Variants in LARS2 observed in about 807,000 individuals in gnomAD.
LARS2 encodes the protein leucyl-tRNA synthetase 2, mitochondrial.
A neutral mutation model predicts 116.6 loss-of-function variants in LARS2; 81 were observed. That is an observed-to-expected ratio of 0.69 (90% CI 0.58 to 0.84). The LOEUF (loss-of-function observed/expected upper bound fraction) is 0.84. Ranked by LOEUF, LARS2 falls within the 40% of genes least tolerant of loss-of-function variation. LARS2 has a pLI of 0.00. For missense variants in LARS2, 968 were observed against 1,114.5 expected, an observed-to-expected ratio of 0.87 and a Z score of 1.87; for synonymous variants, 396 against 407.2, an observed-to-expected ratio of 0.97 and a Z score of 0.33.
chr3:45,494,207 C>T (rs546981117), intron 13 of LARS2, among the ~76,000 whole-genome samples: 3 of 152,228 alleles, frequency 2.0e-5, no homozygotes, highest in South Asian at 2.1e-4. Flanking sequence ...AGATCTAGGG[C>T]GCCCATGCTC....
intron 10 of LARS2, among the ~76,000 whole-genome samples, chr3:45,479,756 G>A (rs1317304598): frequency 6.6e-6 from 1 of 152,166 alleles, no homozygotes; most frequent in Admixed American, 6.5e-5. Flanking sequence ...GCATCAATGG[G>A]GAAATATGAT....
chr3:45,515,987 A>T, intron 16 of LARS2, 107 bp from the exon 17 acceptor site: 1 of 789,670 alleles, frequency 1.3e-6, no homozygotes, highest in Non-Finnish European at 2.0e-6. Flanking sequence ...GTGATTCTTC[A>T]AATGGACACT....
chr3:45,484,537 G>A (rs1377349959), intron 10 of LARS2, among the ~76,000 whole-genome samples: 2 of 141,036 alleles, frequency 1.4e-5, no homozygotes, highest in African/African-American at 5.3e-5. Flanking sequence ...AGTCTGAGGT[G>A]GGAGTATCAC....
intron 19 of LARS2, among the ~76,000 whole-genome samples, chr3:45,522,468 C>A (rs535931775): frequency 6.6e-6 from 1 of 152,268 alleles, no homozygotes; most frequent in South Asian, 2.1e-4. Flanking sequence ...CAGTGGCTCA[C>A]GCCTGTAATC....
intron 20 of LARS2, among the ~76,000 whole-genome samples, chr3:45,526,410 C>T (rs1476070410): frequency 6.6e-6 from 1 of 152,092 alleles, no homozygotes; most frequent in Non-Finnish European, 1.5e-5. Context: ...AAAGCCTGTG[C>T]TTGTGGTGGA....
chr3:45,402,276 G>A (rs980081410), intron 4 of LARS2, among the ~76,000 whole-genome samples: 1 of 152,208 alleles, frequency 6.6e-6, no homozygotes, highest in Admixed American at 6.5e-5. Flanking sequence ...GCAATTGCCA[G>A]CAGTGGACAG....
chr3:45,490,150 T>C (rs923040426), intron 12 of LARS2, among the ~76,000 whole-genome samples: 1 of 152,254 alleles, frequency 6.6e-6, no homozygotes, highest in South Asian at 2.1e-4. Flanking sequence ...CTCTAAGATA[T>C]GGACCCTTAG....
intron 4 of LARS2, among the ~76,000 whole-genome samples, chr3:45,409,592 C>G (rs1468221534): frequency 6.6e-6 from 1 of 152,150 alleles, no homozygotes; most frequent in South Asian, 2.1e-4. Flanking sequence ...TGTTGTAGGT[C>G]TTCACTTTGT....
intron 6 of LARS2, among the ~76,000 whole-genome samples, chr3:45,426,456 C>T (rs975764834): frequency 1.3e-5 from 2 of 152,190 alleles, no homozygotes; most frequent in African/African-American, 4.8e-5. Flanking sequence ...CTTGTTCTCC[C>T]TCAGAGTCAG....
chr3:45,393,890 C>T (rs1290619476), intron 2 of LARS2, among the ~76,000 whole-genome samples: 1 of 152,206 alleles, frequency 6.6e-6, no homozygotes, highest in East Asian at 1.9e-4. Context: ...AATTAACAGT[C>T]TTCTAAATAA....
chr3:45,419,506 T>G (rs956808540), intron 5 of LARS2, among the ~76,000 whole-genome samples, 163 bp from the exon 6 acceptor site: 1 of 152,254 alleles, frequency 6.6e-6, no homozygotes, highest in Non-Finnish European at 1.5e-5. Context: ...TGGTATTTTT[T>G]GCTGATTCTT....
Position 45,465,122 on chromosome 3 carries a change from G to A in LARS2, c.750+6236G>A, listed in dbSNP as rs375305366. Among the ~76,000 whole-genome samples, 15 of 152,230 alleles carry A rather than the reference G, an allele frequency of 9.9e-5. No individual in the cohort carries two copies. The East Asian group carries it at 2.1e-3, about 22-fold the overall frequency. On this transcript the variant is annotated intron_variant, in intron 8 of 21. Coordinates refer to ENST00000645846, the MANE Select transcript of LARS2 (RefSeq NM_015340.4). Reference sequence around the variant, plus strand: ...CCCTGCCAGGATTCTCCCTCATGCTGGGGCTGTCTCTTCTCTTGGCTACAG... The same window carrying A: ...CCCTGCCAGGATTCTCCCTCATGCTAGGGCTGTCTCTTCTCTTGGCTACAG...
At chr3:45,458,431 GC>G (rs2125710138) in intron 7 of LARS2, among the ~76,000 whole-genome samples, 2 of 152,266 alleles carry the variant, frequency 1.3e-5, no homozygotes, top group African/African-American at 4.8e-5. Context: ...AGTGGCTCAC[GC>G]CTGTAATCCC....
intron 4 of LARS2, among the ~76,000 whole-genome samples, chr3:45,406,098 T>C (rs1224492860): frequency 6.6e-6 from 1 of 152,152 alleles, no homozygotes; most frequent in African/African-American, 2.4e-5. Flanking sequence ...TTAAAAATTA[T>C]TGATGTAAAA....
At chr3:45,452,255 G>T (rs1265571435) in intron 7 of LARS2, among the ~76,000 whole-genome samples, 1 of 152,068 alleles carries the variant, frequency 6.6e-6, no homozygotes, top group Admixed American at 6.5e-5. Context: ...GGTAATCCTT[G>T]TCTTGTTCCA....
In LARS2 at chr3:45,547,993, A is replaced by G. The variant is rs75907288; in HGVS notation, c.*463A>G. Reference sequence around the variant, plus strand: ...AATGTGCCAGCCACTTGGAACTGCTAACTGAGCCTCCAGATGGTAGTGAAT... The same window carrying G: ...AATGTGCCAGCCACTTGGAACTGCTGACTGAGCCTCCAGATGGTAGTGAAT... On this transcript the variant is annotated 3_prime_UTR_variant, in exon 22 of 22. Transcript: ENST00000645846. 6.8e-3 allele frequency: 1,053 copies of G among 154,744 alleles called. 11 individuals carry two copies. Among genetic ancestry groups the G allele is most frequent in the African/African-American group, 0.016 (677 of 41,704 alleles). The allele number at this position is 154,744 out of a possible 1,614,324, so 9.6% of individuals were successfully genotyped here. A position where few individuals can be genotyped will look rare whatever the true frequency, so the allele number is the denominator to read the frequency against.
chr3:45,468,673 T>C (rs1699474404), intron 8 of LARS2, among the ~76,000 whole-genome samples: 1 of 152,234 alleles, frequency 6.6e-6, no homozygotes, highest in African/African-American at 2.4e-5. Flanking sequence ...AGAATTGTTC[T>C]GCTGCTGAAA....
chr3:45,513,672 C>T (rs887531094), intron 16 of LARS2, among the ~76,000 whole-genome samples: 24 of 152,130 alleles, frequency 1.6e-4, no homozygotes, highest in Admixed American at 1.1e-3. Context: ...ACTCGGTTTA[C>T]TCGTAGCACC....
chr3:45,494,806 G>GCCTGTGATCC (rs1336427208), intron 13 of LARS2, among the ~76,000 whole-genome samples: 4 of 152,236 alleles, frequency 2.6e-5, no homozygotes, highest in African/African-American at 9.6e-5. Context: ...GATGGCTCAT[G>GCCTGTGATCC]CCTGTGATCC....
Sources: gnomAD v4.1 joint callset for allele counts (sites outside exome capture counted in the v4.1 genomes callset) on GRCh38, gnomAD v4.1.1 for gene constraint, MANE v1.5 for transcripts, NCBI Gene and HGNC (gene_info 2026-07-23, HGNC 2026-07-21) for gene names.